Variants in KCNC4 observed in about 807,000 individuals in gnomAD.
KCNC4 encodes the protein potassium voltage-gated channel subfamily C member 4.
A neutral mutation model predicts 42.8 loss-of-function variants in KCNC4; 23 were observed. That is an observed-to-expected ratio of 0.54 (90% CI 0.39 to 0.76). The LOEUF (loss-of-function observed/expected upper bound fraction) is 0.76, where lower values mean the gene tolerates loss of function less well. Ranked by LOEUF, KCNC4 falls within the 30% of genes least tolerant of loss-of-function variation. The pLI, the probability that KCNC4 is intolerant of heterozygous loss-of-function variation, is 0.00. For missense variants in KCNC4, 751 were observed against 898.2 expected, an observed-to-expected ratio of 0.84 and a Z score of 2.10; for synonymous variants, 422 against 393.5, an observed-to-expected ratio of 1.07 and a Z score of -0.86.
chr1:110,212,903 C>T (rs944862650), intron 1 of KCNC4, among the ~76,000 whole-genome samples: 5 of 152,106 alleles, frequency 3.3e-5, no homozygotes, highest in Non-Finnish European at 5.9e-5. Context: ...TCTGCAGGCT[C>T]CCACGGCCAG....
rs1424132429 is a variant in KCNC4, at chr1:110,223,998, G to A, written c.1615+98G>A. On this transcript the variant is annotated intron_variant, in intron 2 of 3. Coordinates refer to ENST00000438661, the MANE Select transcript of KCNC4 (RefSeq NM_001039574.3). The surrounding 1 kb of genome is among the most constrained non-coding windows in gnomAD (Gnocchi z 7.5). ...CCTTGGGATTTGGCATGTGTTTTGT[G>A]TGGGGCTTCCCTAAGCATAAAGATG... 3 of 965,076 alleles carry A rather than the reference G, an allele frequency of 3.1e-6. No individual in the cohort carries two copies. In the East Asian group the frequency reaches 7.9e-5, roughly 25 times the overall value. The allele number at this position is 965,076 out of a possible 1,614,324, so 59.8% of individuals were successfully genotyped here.
At chr1:110,247,555 C>CTTTTTTTTTTTT (rs772775867) in exon 4 of KCNC4, 3 of 52,348 alleles carry the variant, frequency 5.7e-5, no homozygotes, top group Non-Finnish European at 8.3e-5. Context: ...TTTCTTTTTT[C>CTTTTTTTTTTTT]TTTTTTTTTT....
chr1:110,280,706 A>G (rs1382376737), intron 1 of KCNC4, among the ~76,000 whole-genome samples: 5 of 152,154 alleles, frequency 3.3e-5, no homozygotes, highest in Admixed American at 2.6e-4. Context: ...TTTTTTCAGT[A>G]TAAGTATGGC....
intron 1 of KCNC4, among the ~76,000 whole-genome samples, chr1:110,279,506 C>T (rs192255861): frequency 2.4e-4 from 37 of 152,320 alleles, no homozygotes; most frequent in Non-Finnish European, 4.6e-4. Context: ...GCACACTCCC[C>T]ACCTGACTCC....
Position 110,233,347 on chromosome 1 carries a change from G to C in KCNC4, c.*375G>C. 3.2e-6 allele frequency: 1 copy of C among 313,472 alleles called. No individual in the cohort carries two copies. Among genetic ancestry groups the C allele is most frequent in the Non-Finnish European group, 6.0e-6 (1 of 167,476 alleles). The allele number at this position is 313,472 out of a possible 1,614,324, so 19.4% of individuals were successfully genotyped here. On this transcript the variant is annotated 3_prime_UTR_variant, in exon 4 of 4. Coordinates refer to ENST00000438661, the MANE Select transcript of KCNC4 (RefSeq NM_001039574.3). ...GTTGTTTCTGCTGACTGTGTGGGTG[G>C]AATGTCCCAAGAAAAGTGCATCTGG... is the stretch of plus-strand genomic sequence containing the variant.
intron 3 of KCNC4, among the ~76,000 whole-genome samples, chr1:110,230,965 G>C (rs920237738): frequency 1.3e-5 from 2 of 152,244 alleles, no homozygotes; most frequent in African/African-American, 4.8e-5. Context: ...CACCATCTGA[G>C]AGTAGAGTTT....
At position 110,232,688 on chromosome 1, in the gene KCNC4, C is replaced by T. The variant is rs576712700; in HGVS notation, c.1820-223C>T. On this transcript the variant is annotated intron_variant, in intron 3 of 3. Coordinates refer to ENST00000438661, the MANE Select transcript of KCNC4 (RefSeq NM_001039574.3). ...CACCCCATTCCCTGACCCATCCATGCTCTTCCTGGCCTTTTAGCCCTGGGT... is the reference window on the plus strand; with the variant it reads ...CACCCCATTCCCTGACCCATCCATGTTCTTCCTGGCCTTTTAGCCCTGGGT... 1.8e-4 allele frequency: 267 copies of T among 1,480,088 alleles called. No individual in the cohort carries two copies. In the Middle Eastern group the frequency reaches 2.0e-3, roughly 11 times the overall value. The allele number at this position is 1,480,088 out of a possible 1,614,324, so 91.7% of individuals were successfully genotyped here.
At chr1:110,225,787 A>G in intron 2 of KCNC4, 188 bp from the exon 3 acceptor site, 1 of 588,420 alleles carries the variant, frequency 1.7e-6, no homozygotes, top group Non-Finnish European at 3.0e-6. Context: ...GTCAGTCTTC[A>G]CACCAAGTGT....
chr1:110,227,201 T>A lies in KCNC4; in HGVS notation c.1819+1023T>A, dbSNP rs189812134. ...CTGTCCCCAAACCCCAGACCCAAAC[T>A]AGGTTGAGTGAGGAAGGGGCAGTGG... On this transcript the variant is annotated intron_variant, in intron 3 of 3. Transcript: ENST00000438661. Among the ~76,000 whole-genome samples the A allele has an allele frequency of 5.3e-5, 8 of 152,164 alleles. No individual in the cohort carries two copies. The East Asian group carries it at 1.5e-3, about 29-fold the overall frequency.
Position 110,223,935 on chromosome 1 carries a change from C to A in KCNC4, c.1615+35C>A. 1.3e-6 allele frequency: 2 copies of A among 1,501,586 alleles called. No homozygotes were observed. Among genetic ancestry groups the A allele is most frequent in the Non-Finnish European group, 1.8e-6 (2 of 1,100,724 alleles). The allele number at this position is 1,501,586 out of a possible 1,614,324, so 93.0% of individuals were successfully genotyped here. On this transcript the variant is annotated intron_variant, in intron 2 of 3. Transcript: ENST00000438661. This position sits in a 1 kb window ranked among gnomAD's most constrained non-coding sequence, Gnocchi z 7.5. ...GGGGTTGGGAAGGAAAATCCCTTTT[C>A]CCCCAGTGGCCTAGGGAGTTTCCAA...
At chr1:110,262,990 CT>C in intron 1 of KCNC4, among the ~76,000 whole-genome samples, 2 of 152,344 alleles carry the variant, frequency 1.3e-5, no homozygotes, top group Non-Finnish European at 2.9e-5. Flanking sequence ...TGCACAGGCC[CT>C]GTCAGGAAAT....
chr1:110,269,012 G>T (rs931477748), intron 1 of KCNC4, among the ~76,000 whole-genome samples: 1 of 152,106 alleles, frequency 6.6e-6, no homozygotes, highest in Non-Finnish European at 1.5e-5. Flanking sequence ...CACCGCGCCC[G>T]GCCTACCCTG....
intron 1 of KCNC4, among the ~76,000 whole-genome samples, chr1:110,261,542 G>C (rs1243005870): frequency 6.6e-6 from 1 of 152,138 alleles, no homozygotes; most frequent in Non-Finnish European, 1.5e-5. Flanking sequence ...ACTAAAGGGA[G>C]GATGAGTGGG....
At chr1:110,271,670 G>A (rs1659638035) in intron 1 of KCNC4, among the ~76,000 whole-genome samples, 2 of 152,094 alleles carry the variant, frequency 1.3e-5, no homozygotes, top group Non-Finnish European at 2.9e-5. Flanking sequence ...AACAAAAAGT[G>A]GGCTAGCTGC....
At chr1:110,215,379 C>T (rs1288485149) in intron 1 of KCNC4, among the ~76,000 whole-genome samples, 1 of 152,190 alleles carries the variant, frequency 6.6e-6, no homozygotes, top group African/African-American at 2.4e-5. Context: ...ACTTCACAGC[C>T]TCAGGGGGCC....
In KCNC4 at chr1:110,261,975, T is replaced by G. The variant is rs1302813260; in HGVS notation, n.31-20559T>G. On this transcript the variant is annotated intron_variant and non_coding_transcript_variant, in intron 1 of 2. Coordinates refer to the KCNC4 transcript ENST00000412512. Reference sequence around the variant, plus strand: ...GATGACATGCTAAGGAAAAAACATTTGAAAACAGATGTTTAGATGTTTCCA... The same window carrying G: ...GATGACATGCTAAGGAAAAAACATTGGAAAACAGATGTTTAGATGTTTCCA... 2.6e-5 allele frequency among the ~76,000 whole-genome samples: 4 copies of G among 152,242 alleles called. No individual in the cohort carries two copies. The East Asian group carries it at 7.7e-4, about 29-fold the overall frequency.
chr1:110,245,005 C>T (rs1330067415), exon 4 of KCNC4: 1 of 152,262 alleles, frequency 6.6e-6, no homozygotes, highest in Non-Finnish European at 1.5e-5. Flanking sequence ...AATTTCCTTC[C>T]TTCCTCTCTC....
Position 110,223,164 on chromosome 1 carries a change from A to G in KCNC4, c.879A>G (p.Thr293=). The G allele has an allele frequency of 1.2e-6, 2 of 1,614,162 alleles. No individual in the cohort carries two copies. The highest frequency in any genetic ancestry group is 1.7e-6 in the Non-Finnish European group (2 of 1,179,998). ...YIEGVCVLWF[T]LEFLVRIVCC... is the part of the protein sequence containing the mutation. The stretch of plus-strand genomic sequence containing the variant: ...AGGGCGTATGTGTGCTGTGGTTCAC[A>G]CTGGAGTTCCTGGTGCGCATCGTGT... The change falls in exon 2 of 4, where the codon ACA becomes ACG. Residue 293 remains threonine, a synonymous_variant. Coordinates refer to ENST00000438661, the MANE Select transcript of KCNC4 (RefSeq NM_001039574.3). This position sits in a 1 kb window ranked among gnomAD's most constrained non-coding sequence, Gnocchi z 7.5.
rs760587471 is a variant in KCNC4, at chr1:110,213,170, TAAAAAAAAA to T, written c.678+1012_678+1020del. On this transcript the variant is annotated intron_variant, in intron 1 of 3. Coordinates refer to ENST00000438661, the MANE Select transcript of KCNC4 (RefSeq NM_001039574.3). The stretch of plus-strand genomic sequence containing the variant: ...GCTTCCCCCATTATGCTTCGACAGC[TAAAAAAAAA>T]AAAAAAAAAAAAAAAAAATCCCTGA... 4.1e-4 allele frequency among the ~76,000 whole-genome samples: 21 copies of T among 50,848 alleles called. 1 individual carries two copies. Among genetic ancestry groups the T allele is most frequent in the African/African-American group, 1.5e-3 (17 of 11,402 alleles). The allele number at this position is 50,848 out of a possible 152,430, so 33.4% of individuals were successfully genotyped here.
Sources: allele counts gnomAD v4.1 joint callset (sites outside exome capture counted in the v4.1 genomes callset), GRCh38; gene constraint gnomAD v4.1.1; non-coding constraint Gnocchi (gnomAD v3.1); transcripts MANE v1.5; gene names NCBI Gene and HGNC (gene_info 2026-07-23, HGNC 2026-07-21).